The following PRH1 variants were observed in gnomAD, a reference collection of about 807,000 sequenced individuals.
PRH1 encodes the protein salivary acidic proline-rich phosphoprotein 1/2.
A neutral mutation model predicts 7.9 loss-of-function variants in PRH1; 7 were observed. That is an observed-to-expected ratio of 0.89 (90% CI 0.50 to 1.67). The LOEUF is 1.67. Among genes scored for constraint, PRH1 ranks in the 40% most tolerant of loss-of-function variants. The pLI, the probability that PRH1 is intolerant of heterozygous loss-of-function variation, is 0.00. For missense variants in PRH1, 109 were observed against 223.6 expected, an observed-to-expected ratio of 0.49 and a Z score of 3.27; for synonymous variants, 45 against 80.8, an observed-to-expected ratio of 0.56 and a Z score of 2.38.
chr12:10,886,488 T>C (rs1949493995), upstream of PRH1, among the ~76,000 whole-genome samples: 1 of 152,122 alleles, frequency 6.6e-6, no homozygotes, highest in Non-Finnish European at 1.5e-5. Flanking sequence ...AAAGCATAAA[T>C]ATCAGCTATG....
intron 1 of PRH1, chr12:11,022,612 T>A: frequency 7.0e-7 from 1 of 1,418,846 alleles, no homozygotes; most frequent in Non-Finnish European, 9.6e-7. Flanking sequence ...TAACACTTGT[T>A]CTGAGTCCTT....
upstream of PRH1, chr12:11,049,303 G>A (rs2136144604): frequency 2.0e-6 from 1 of 504,988 alleles, no homozygotes; most frequent in Non-Finnish European, 3.0e-6. Context: ...TAATAACACT[G>A]GTTGTGATTC....
chr12:11,090,146 T>C (rs1429369900), intron 1 of PRH1, among the ~76,000 whole-genome samples: 1 of 116,316 alleles, frequency 8.6e-6, no homozygotes, highest in African/African-American at 2.9e-5. Context: ...GAACTTCCTA[T>C]TAAAGAATAT....
intron 1 of PRH1, chr12:11,061,468 G>A: frequency 2.5e-6 from 4 of 1,614,154 alleles, no homozygotes; most frequent in Non-Finnish European, 3.4e-6. Context: ...CAGGATGAAT[G>A]GGTGGGTTGA....
intron 1 of PRH1, among the ~76,000 whole-genome samples, chr12:11,039,205 A>G (rs1295532752): frequency 1.3e-5 from 2 of 152,230 alleles, no homozygotes; most frequent in Admixed American, 6.5e-5. Context: ...GAATTTTTTT[A>G]AAGGCAGGCC....
chr12:11,023,648 T>A (rs1941767508), intron 1 of PRH1, among the ~76,000 whole-genome samples: 1 of 152,176 alleles, frequency 6.6e-6, no homozygotes, highest in African/African-American at 2.4e-5. Flanking sequence ...ATATTGAAGT[T>A]TCCTGCTCTT....
intron 1 of PRH1, among the ~76,000 whole-genome samples, chr12:11,038,767 A>G (rs1397598797): frequency 6.6e-6 from 1 of 152,268 alleles, no homozygotes; most frequent in Non-Finnish European, 1.5e-5. Context: ...ATGTATTCTG[A>G]TAAGAGTATA....
At chr12:10,949,196 G>A (rs1213004026) in intron 2 of PRH1, among the ~76,000 whole-genome samples, 1 of 152,132 alleles carries the variant, frequency 6.6e-6, no homozygotes, top group Non-Finnish European at 1.5e-5. Context: ...AACCTCTGGG[G>A]GTTCCATCCC....
chr12:10,896,714 A>G (rs904412060), intron 2 of PRH1: 4 of 147,300 alleles, frequency 2.7e-5, no homozygotes, highest in African/African-American at 1.0e-4. Flanking sequence ...GTGAGCCGAG[A>G]TCACACTACT....
chr12:10,913,258 C>T (rs1949926180), intron 2 of PRH1, among the ~76,000 whole-genome samples: 1 of 152,174 alleles, frequency 6.6e-6, no homozygotes, highest in African/African-American at 2.4e-5. Context: ...TCGAGACCAG[C>T]ATGGCTAACA....
At chr12:11,162,836 C>A (rs924649582) in intron 1 of PRH1, among the ~76,000 whole-genome samples, 12 of 152,238 alleles carry the variant, frequency 7.9e-5, no homozygotes, top group Middle Eastern at 3.4e-3. Context: ...TGAAGAATAC[C>A]CCCTGGGCAA....
At chr12:11,124,797 T>C (rs186415480) in intron 1 of PRH1, among the ~76,000 whole-genome samples, 1 of 152,228 alleles carries the variant, frequency 6.6e-6, no homozygotes. Flanking sequence ...TTCAATGTAC[T>C]AGAGTTAAGG....
intron 1 of PRH1, among the ~76,000 whole-genome samples, chr12:10,991,605 A>T (rs2135994698): frequency 6.6e-6 from 1 of 152,312 alleles, no homozygotes; most frequent in East Asian, 1.9e-4. Context: ...AATAAATAAC[A>T]TATATGAATA....
At chr12:11,091,437 T>G (rs200291442) in intron 1 of PRH1, 38,136 of 1,024,324 alleles carry the variant, frequency 0.037, 9,436 homozygotes, top group Admixed American at 0.086. Context: ...CTAATAGCTT[T>G]GCAGAACATG....
intron 1 of PRH1, among the ~76,000 whole-genome samples, chr12:11,028,360 C>A (rs1942021701): frequency 6.6e-6 from 1 of 152,208 alleles, no homozygotes; most frequent in African/African-American, 2.4e-5. Flanking sequence ...TGCTGGAAGC[C>A]AAGTACATGC....
intron 2 of PRH1, among the ~76,000 whole-genome samples, chr12:10,940,962 T>C (rs1022674925): frequency 6.6e-6 from 1 of 152,166 alleles, no homozygotes; most frequent in African/African-American, 2.4e-5. Context: ...AAGAGAGCTA[T>C]TGAAAAGGCA....
chr12:11,112,347 C>CA (rs1945613499), intron 1 of PRH1, among the ~76,000 whole-genome samples: 1 of 151,978 alleles, frequency 6.6e-6, no homozygotes, highest in Non-Finnish European at 1.5e-5. Flanking sequence ...AGAGACACAG[C>CA]AAAAAGAGAA....
intron 2 of PRH1, among the ~76,000 whole-genome samples, chr12:10,918,740 C>T (rs978916558): frequency 1.4e-4 from 21 of 152,120 alleles, no homozygotes; most frequent in Non-Finnish European, 1.6e-4. Context: ...AAATAGAGCA[C>T]TTGTTATTCA....
intron 1 of PRH1, among the ~76,000 whole-genome samples, chr12:11,136,810 C>G (rs1338895930): frequency 6.6e-6 from 1 of 152,116 alleles, no homozygotes; most frequent in Non-Finnish European, 1.5e-5. Context: ...CAGGAGCACC[C>G]AGGAGTTCAA....
Sources: allele counts gnomAD v4.1 joint callset (sites outside exome capture counted in the v4.1 genomes callset), GRCh38; gene constraint gnomAD v4.1.1; transcripts MANE v1.5; gene names NCBI Gene and HGNC (gene_info 2026-07-23, HGNC 2026-07-21).